MYO3A: variants seen among roughly 807,000 people sequenced by gnomAD.
MYO3A encodes the protein myosin IIIA, also known as myosin-IIIa.
MYO3A carries 180 observed loss-of-function variants against 192.7 expected under a neutral mutation model. That is an observed-to-expected ratio of 0.93 (90% CI 0.83 to 1.06). The LOEUF (loss-of-function observed/expected upper bound fraction) is 1.06. MYO3A is among the 50% of genes least tolerant of loss of function. The pLI is 0.00. For synonymous variants in MYO3A, 628 were observed against 645.3 expected (o/e 0.97, Z 0.41); for missense variants, 1,896 against 1,905.0 (o/e 1.00, Z 0.09).
intron 6 of MYO3A, among the ~76,000 whole-genome samples, chr10:25,999,559 A>G (rs1490950176): frequency 2.6e-5 from 4 of 152,238 alleles, no homozygotes; most frequent in Non-Finnish European, 4.4e-5. Context: ...CTGAAAATCA[A>G]TGTCCTCATT....
At chr10:26,151,534 A>G (rs1023133087) in intron 23 of MYO3A, among the ~76,000 whole-genome samples, 1 of 152,010 alleles carries the variant, frequency 6.6e-6, no homozygotes, top group African/African-American at 2.4e-5. Context: ...CCATACTCTT[A>G]ATTTCAACTT....
At chr10:26,085,744 A>G (rs780776820) in intron 14 of MYO3A, among the ~76,000 whole-genome samples, 9 of 152,214 alleles carry the variant, frequency 5.9e-5, no homozygotes, top group Non-Finnish European at 1.2e-4. Context: ...GAGCCTGTGC[A>G]GACTGCAGGG....
intron 26 of MYO3A, among the ~76,000 whole-genome samples, chr10:26,159,348 CTTTTTTTTCTTTTTCT>C (rs1371043923): frequency 7.1e-6 from 1 of 141,264 alleles, no homozygotes; most frequent in African/African-American, 2.6e-5. Context: ...TTTAGTTTTT[CTTTTTTTTCTTTTTCT>C]TTTTTTTTTT....
intron 10 of MYO3A, among the ~76,000 whole-genome samples, chr10:26,061,800 A>G (rs1404681860): frequency 1.3e-5 from 2 of 152,160 alleles, no homozygotes; most frequent in African/African-American, 2.4e-5. Flanking sequence ...GCTCCTCACC[A>G]TCCACTCCCT....
At chr10:26,117,986 A>T in intron 17 of MYO3A, among the ~76,000 whole-genome samples, 1 of 152,136 alleles carries the variant, frequency 6.6e-6, no homozygotes, top group East Asian at 1.9e-4. Context: ...CTTTTTCTCC[A>T]CAACCTCACC....
At chr10:26,005,613 C>G (rs1357957391) in intron 6 of MYO3A, among the ~76,000 whole-genome samples, 1 of 152,064 alleles carries the variant, frequency 6.6e-6, no homozygotes, top group Admixed American at 6.6e-5. Flanking sequence ...ACCTTACTCT[C>G]AGATGGTTCA....
intron 4 of MYO3A, among the ~76,000 whole-genome samples, chr10:25,991,354 G>A (rs1363322184): frequency 1.7e-4 from 26 of 152,236 alleles, no homozygotes; most frequent in African/African-American, 6.0e-4. Flanking sequence ...ACTTGTTGAT[G>A]GGGTTGTTTG....
At chr10:26,070,913 C>T (rs186941802) in intron 14 of MYO3A, among the ~76,000 whole-genome samples, 11 of 152,000 alleles carry the variant, frequency 7.2e-5, no homozygotes, top group Admixed American at 2.0e-4. Flanking sequence ...CCTAAATAAA[C>T]GAAGAGATAT....
At chr10:25,991,468 G>A (rs1192933875) in intron 4 of MYO3A, among the ~76,000 whole-genome samples, 1 of 152,148 alleles carries the variant, frequency 6.6e-6, no homozygotes, top group Non-Finnish European at 1.5e-5. Context: ...TAGGATGCCT[G>A]TTCACTCTGA....
At chr10:26,074,329 T>G in intron 14 of MYO3A, among the ~76,000 whole-genome samples, 1 of 152,018 alleles carries the variant, frequency 6.6e-6, no homozygotes, top group East Asian at 1.9e-4. Context: ...TTATTCTGAT[T>G]TATACTGCCA....
intron 4 of MYO3A, among the ~76,000 whole-genome samples, chr10:25,996,125 C>T (rs1327023125): frequency 1.3e-5 from 2 of 152,226 alleles, no homozygotes; most frequent in African/African-American, 4.8e-5. Flanking sequence ...GGCAGGCAGG[C>T]CTCCTTGAGC....
At chr10:26,171,923 G>A (rs756689741) in intron 29 of MYO3A, among the ~76,000 whole-genome samples, 1 of 152,090 alleles carries the variant, frequency 6.6e-6, no homozygotes, top group Non-Finnish European at 1.5e-5. Flanking sequence ...AGGATACCAG[G>A]GATTAGCTTT....
intron 15 of MYO3A, among the ~76,000 whole-genome samples, chr10:26,094,399 T>A (rs1446312400): frequency 6.6e-6 from 1 of 150,498 alleles, no homozygotes; most frequent in African/African-American, 2.4e-5. Flanking sequence ...AACTTCTACA[T>A]ACTGAAAGAA....
intron 23 of MYO3A, among the ~76,000 whole-genome samples, chr10:26,152,666 C>G (rs1840863318): frequency 6.6e-6 from 1 of 152,160 alleles, no homozygotes; most frequent in Non-Finnish European, 1.5e-5. Context: ...TCCCGTTGAT[C>G]TACATAAATA....
chr10:26,137,513 A>T (rs1364554631), intron 20 of MYO3A, among the ~76,000 whole-genome samples: 1 of 152,196 alleles, frequency 6.6e-6, no homozygotes, highest in Non-Finnish European at 1.5e-5. Flanking sequence ...TTGATTGTAA[A>T]ACGTGTGTTT....
chr10:25,943,631 G>T (rs573521046), intron 2 of MYO3A, among the ~76,000 whole-genome samples: 7 of 151,986 alleles, frequency 4.6e-5, no homozygotes, highest in South Asian at 4.1e-4. Flanking sequence ...TATTCTTTTT[G>T]ATTCTATTGT....
chr10:26,171,836 T>C (rs1842061299), intron 29 of MYO3A, among the ~76,000 whole-genome samples: 1 of 152,198 alleles, frequency 6.6e-6, no homozygotes, highest in Non-Finnish European at 1.5e-5. Flanking sequence ...TTCTAGAAAT[T>C]ACTGCTTGTA....
At position 26,021,535 on chromosome 10, in the gene MYO3A, T is replaced by G. The variant is rs1842303828; in HGVS notation, c.618T>G (p.Thr206=). 7 of 1,614,174 alleles carry G rather than the reference T, an allele frequency of 4.3e-6. No homozygotes were observed. Among genetic ancestry groups the G allele is most frequent in the African/African-American group, 1.3e-5 (1 of 75,060 alleles). Residue 206 remains threonine (T), a synonymous_variant, in exon 8 of 35, where the codon ACT becomes ACG. Coordinates refer to ENST00000642920, the MANE Select transcript of MYO3A (RefSeq NM_017433.5). ...CATGTGAACAGCAATTGGATACCACTTATGACGCCAGATGTGACACTTGGT... is the reference window on the plus strand; with the variant it reads ...CATGTGAACAGCAATTGGATACCACGTATGACGCCAGATGTGACACTTGGT... The part of the protein sequence containing the change: ...VIACEQQLDT[T]YDARCDTWSL...
chr10:26,173,640 C>G (rs1282544877), intron 29 of MYO3A, 23 bp from the exon 30 acceptor site: 9 of 1,600,044 alleles, frequency 5.6e-6, no homozygotes, highest in Non-Finnish European at 6.0e-6. Flanking sequence ...ACTGTATATT[C>G]AAAGATAATA....
Sources: allele counts gnomAD v4.1 joint callset (sites outside exome capture counted in the v4.1 genomes callset), GRCh38; gene constraint gnomAD v4.1.1; transcripts MANE v1.5; gene names NCBI Gene and HGNC (gene_info 2026-07-23, HGNC 2026-07-21).